RNF157: variants seen among roughly 807,000 people sequenced by gnomAD.
RNF157 encodes the protein ring finger protein 157.
RNF157 carries 55 observed loss-of-function variants against 88.3 expected under a neutral mutation model. The ratio of observed to expected loss-of-function variants is 0.62; its 90% CI spans 0.50 to 0.78. The LOEUF (loss-of-function observed/expected upper bound fraction) is 0.78. RNF157 is among the 30% of genes least tolerant of loss of function. RNF157 has a pLI of 0.00. For synonymous variants in RNF157, 334 were observed against 341.2 expected (o/e 0.98, Z 0.23); for missense variants, 788 against 860.8 (o/e 0.92, Z 1.06).
At chr17:76,207,787 A>G (rs2069707641) in intron 2 of RNF157, among the ~76,000 whole-genome samples, 1 of 152,166 alleles carries the variant, frequency 6.6e-6, no homozygotes. Flanking sequence ...TCAATCTTCA[A>G]TCTCTGAGCC....
At chr17:76,209,862 C>T (rs559909786) in intron 2 of RNF157, among the ~76,000 whole-genome samples, 9 of 152,170 alleles carry the variant, frequency 5.9e-5, no homozygotes, top group Admixed American at 2.6e-4. Flanking sequence ...TGGGTTCAAG[C>T]GATTCTCCTG....
Position 76,169,870 on chromosome 17 carries a change from C to T in RNF157, c.297-2073G>A, listed in dbSNP as rs549953885. 3.9e-5 allele frequency among the ~76,000 whole-genome samples: 6 copies of T among 152,338 alleles called. No individual in the cohort carries two copies. In the East Asian group the frequency reaches 9.6e-4, roughly 24 times the overall value. The stretch of plus-strand genomic sequence containing the variant: ...TGCTGGGATTATAGGCGTGAGCCAC[C>T]GCACCTGGCCTAGTTAGGTTGTTTT... On this transcript the variant is annotated intron_variant, in intron 3 of 18. Transcript: ENST00000269391.
chr17:76,183,514 C>T (rs945606627), intron 2 of RNF157, among the ~76,000 whole-genome samples: 1 of 151,884 alleles, frequency 6.6e-6, no homozygotes, highest in African/African-American at 2.4e-5. Context: ...AATGCAGTGG[C>T]TATTCACTGT....
chr17:76,164,889 CTGAT>C, intron 7 of RNF157, 94 bp from the exon 8 acceptor site: 1 of 801,094 alleles, frequency 1.2e-6, no homozygotes, highest in Non-Finnish European at 2.1e-6. Context: ...GTCGCCCTCC[CTGAT>C]CTGCAGTTTC....
rs2144823108 is a variant in RNF157, at chr17:76,157,372, G to A, written c.1413+1021C>T. Among the ~76,000 whole-genome samples, 1 of 152,336 alleles carries A rather than the reference G, an allele frequency of 6.6e-6. No homozygotes were observed. The highest frequency in any genetic ancestry group is 1.9e-4 in the East Asian group (1 of 5,180). On this transcript the variant is annotated intron_variant, in intron 13 of 18. Transcript: ENST00000269391. The surrounding 1 kb of genome is among the most constrained non-coding windows in gnomAD (Gnocchi z 5.6). ...GCGGTCGGGTGGGCCTTTGGGGTGTGAAGCACTCACTGTGCCCCTGGCTTG... is the reference window on the plus strand; with the variant it reads ...GCGGTCGGGTGGGCCTTTGGGGTGTAAAGCACTCACTGTGCCCCTGGCTTG...
At chr17:76,199,384 G>A (rs1489484269) in intron 2 of RNF157, among the ~76,000 whole-genome samples, 5 of 151,980 alleles carry the variant, frequency 3.3e-5, no homozygotes, top group Admixed American at 3.3e-4. Flanking sequence ...AGCCTCTTGA[G>A]TAGCTGGGAC....
intron 1 of RNF157, among the ~76,000 whole-genome samples, chr17:76,228,261 C>T (rs760599587): frequency 6.6e-6 from 1 of 152,182 alleles, no homozygotes; most frequent in Non-Finnish European, 1.5e-5. Context: ...CACATCAATG[C>T]GTCTAAAACC....
intron 3 of RNF157, among the ~76,000 whole-genome samples, chr17:76,170,877 A>C (rs1315931960): frequency 6.6e-6 from 1 of 151,994 alleles, no homozygotes; most frequent in Non-Finnish European, 1.5e-5. Context: ...CTTTTTAAAG[A>C]AATTTTTAAA....
rs371753613 is a variant in RNF157 at position 76,145,252 on chromosome 17, C to T, written c.2023G>A (p.Gly675Ser). The change falls in exon 19 of 19, where the codon GGC becomes AGC. Residue 675 changes from glycine (G) to serine (S), a missense_variant. Transcript: ENST00000269391. ...EDSETRPCVW[G>S]PLAV ...GCTGGGGCTCAGACAGCCAAAGGGC[C>T]CCACACACAGGGCCTCGTCTCAGAG... 2 of 1,605,720 alleles carry T rather than the reference C, an allele frequency of 1.2e-6. No individual in the cohort carries two copies. Among genetic ancestry groups the T allele is most frequent in the African/African-American group, 2.7e-5 (2 of 74,972 alleles).
At chr17:76,158,685 T>C (rs2068804251) in intron 12 of RNF157, among the ~76,000 whole-genome samples, 184 bp from the exon 13 acceptor site, 1 of 152,208 alleles carries the variant, frequency 6.6e-6, no homozygotes, top group African/African-American at 2.4e-5. Context: ...TTGTTGACGC[T>C]TTAACAGAGG....
intron 1 of RNF157, among the ~76,000 whole-genome samples, chr17:76,239,481 A>G (rs1210481411): frequency 6.6e-6 from 1 of 152,076 alleles, no homozygotes; most frequent in Non-Finnish European, 1.5e-5. Flanking sequence ...CAAAGGGGCA[A>G]TCCGAGTAAC....
intron 2 of RNF157, among the ~76,000 whole-genome samples, chr17:76,188,343 C>T (rs12604011): frequency 0.1 from 15,294 of 152,098 alleles, 959 homozygotes; most frequent in African/African-American, 0.17. Flanking sequence ...GAGCCACATC[C>T]TTCATCACCT....
At chr17:76,221,665 A>AT (rs761604712) in intron 1 of RNF157, among the ~76,000 whole-genome samples, 1 of 152,338 alleles carries the variant, frequency 6.6e-6, no homozygotes, top group Non-Finnish European at 1.5e-5. Context: ...TAAAATAACT[A>AT]TAAGAAATAA....
At chr17:76,194,663 C>T (rs1426791158) in intron 2 of RNF157, among the ~76,000 whole-genome samples, 1 of 152,128 alleles carries the variant, frequency 6.6e-6, no homozygotes, top group African/African-American at 2.4e-5. Flanking sequence ...CTGCTTTCTT[C>T]TGAATTGCTA....
intron 1 of RNF157, among the ~76,000 whole-genome samples, chr17:76,213,913 C>T (rs376066874): frequency 5.8e-4 from 88 of 152,282 alleles, no homozygotes; most frequent in Admixed American, 2.2e-3. Flanking sequence ...TGCCCAGAGA[C>T]GGCATAGAAG....
At chr17:76,152,297 G>A (rs1416343406) in intron 18 of RNF157, 58 bp downstream of exon 18, 1 of 1,096,000 alleles carries the variant, frequency 9.1e-7, no homozygotes, top group African/African-American at 1.5e-5. Flanking sequence ...GTGAGAGCAG[G>A]GGTAAGAGCA....
At chr17:76,237,237 T>C (rs1271591809) in intron 1 of RNF157, among the ~76,000 whole-genome samples, 1 of 152,244 alleles carries the variant, frequency 6.6e-6, no homozygotes, top group Admixed American at 6.5e-5. Flanking sequence ...AGAAGTTCCA[T>C]TAAATATACT....
At chr17:76,175,074 C>T (rs976219860) in intron 2 of RNF157, among the ~76,000 whole-genome samples, 9 of 152,192 alleles carry the variant, frequency 5.9e-5, no homozygotes, top group African/African-American at 1.7e-4. Flanking sequence ...TATCTCCATC[C>T]GTCCGTCTAT....
chr17:76,186,720 A>ACT (rs1364233895), intron 2 of RNF157, among the ~76,000 whole-genome samples: 1 of 151,868 alleles, frequency 6.6e-6, no homozygotes, highest in Non-Finnish European at 1.5e-5. Context: ...CGGGCAGATA[A>ACT]CCTGAGGTCA....
Sources: gnomAD v4.1 joint callset for allele counts (sites outside exome capture counted in the v4.1 genomes callset) on GRCh38, gnomAD v4.1.1 for gene constraint, Gnocchi (gnomAD v3.1) non-coding constraint, MANE v1.5 for transcripts, NCBI Gene and HGNC (gene_info 2026-07-23, HGNC 2026-07-21) for gene names.